Variants in MAGI1 observed in about 807,000 individuals in gnomAD.
The protein encoded by MAGI1 is membrane-associated guanylate kinase, WW and PDZ domain-containing protein 1.
MAGI1 carries 58 observed loss-of-function variants against 139.9 expected under a neutral mutation model. The observed-to-expected ratio is 0.41, with a 90% CI of 0.34 to 0.52. MAGI1 has a LOEUF of 0.52. MAGI1 is among the 20% of genes least tolerant of loss of function. MAGI1 has a pLI of 0.12. For synonymous variants in MAGI1, 812 were observed against 737.9 expected, an observed-to-expected ratio of 1.10 and a Z score of -1.63; for missense variants, 1,874 against 1,901.6, an observed-to-expected ratio of 0.99 and a Z score of 0.27.
At chr3:65,891,369 T>C (rs890102143) in intron 1 of MAGI1, among the ~76,000 whole-genome samples, 2 of 152,144 alleles carry the variant, frequency 1.3e-5, no homozygotes, top group Non-Finnish European at 2.9e-5. Flanking sequence ...ACAAATCTGG[T>C]AATATGCCAG....
chr3:65,876,940 T>G (rs1413675988), intron 1 of MAGI1, among the ~76,000 whole-genome samples: 1 of 152,130 alleles, frequency 6.6e-6, no homozygotes, highest in East Asian at 1.9e-4. Flanking sequence ...AGACGGGGTT[T>G]CACCATGTTA....
At chr3:65,914,001 G>A (rs2061783681) in intron 1 of MAGI1, 1 of 152,188 alleles carries the variant, frequency 6.6e-6, no homozygotes. Flanking sequence ...GACAAAGGGA[G>A]ACAAAGAAGG....
chr3:65,655,147 C>T lies in MAGI1; in HGVS notation c.314-33059G>A, dbSNP rs540804564. Among the ~76,000 whole-genome samples the T allele has an allele frequency of 4.6e-5, 7 of 152,146 alleles. No homozygotes were observed. The South Asian group carries it at 1.2e-3, about 27-fold the overall frequency. ...CAGTGTAAAGCAGGGTAGAGTGGAG[C>T]GGGGATGTCTCATTCAACTTCCCGG... is the stretch of plus-strand genomic sequence containing the variant. On this transcript the variant is annotated intron_variant, in intron 1 of 22. Coordinates refer to ENST00000402939, the MANE Select transcript of MAGI1 (RefSeq NM_001033057.2).
intron 1 of MAGI1, among the ~76,000 whole-genome samples, chr3:65,976,190 T>C (rs752097316): frequency 6.6e-6 from 1 of 152,170 alleles, no homozygotes; most frequent in Non-Finnish European, 1.5e-5. Context: ...TGACATAAGA[T>C]GATATTGTAA....
chr3:65,753,975 AAC>A (rs755078609), intron 1 of MAGI1, among the ~76,000 whole-genome samples: 4 of 152,204 alleles, frequency 2.6e-5, no homozygotes, highest in Non-Finnish European at 5.9e-5. Context: ...TGTCTGACTG[AAC>A]ACAGTGTGTA....
intron 12 of MAGI1, among the ~76,000 whole-genome samples, chr3:65,409,468 T>G (rs1292338958): frequency 6.6e-6 from 1 of 152,126 alleles, no homozygotes; most frequent in African/African-American, 2.4e-5. Flanking sequence ...ATGATAAGCT[T>G]TTCTTGTTGT....
intron 1 of MAGI1, among the ~76,000 whole-genome samples, chr3:65,750,147 A>G (rs9830681): frequency 0.12 from 18,396 of 152,208 alleles, 1,160 homozygotes; most frequent in Middle Eastern, 0.2. Flanking sequence ...GGCAAACACC[A>G]AAACAAGATG....
intron 1 of MAGI1, among the ~76,000 whole-genome samples, chr3:66,032,864 G>A (rs59069384): frequency 3.5e-5 from 5 of 143,046 alleles, no homozygotes; most frequent in East Asian, 2.2e-4. Flanking sequence ...GCAGTGAGCC[G>A]AGATCGCACC....
At chr3:65,615,995 C>CA (rs1208641139) in intron 2 of MAGI1, among the ~76,000 whole-genome samples, 1 of 152,180 alleles carries the variant, frequency 6.6e-6, no homozygotes, top group African/African-American at 2.4e-5. Flanking sequence ...AAAAACAAAT[C>CA]AAAAGCCTAA....
At chr3:65,452,196 A>G (rs1368128446) in intron 6 of MAGI1, among the ~76,000 whole-genome samples, 2 of 152,202 alleles carry the variant, frequency 1.3e-5, no homozygotes, top group Admixed American at 6.5e-5. Context: ...TTTTGTTTCC[A>G]TTTGAAGTAA....
intron 3 of MAGI1, among the ~76,000 whole-genome samples, chr3:65,488,698 C>T (rs1951788267): frequency 6.6e-6 from 1 of 150,418 alleles, no homozygotes; most frequent in Non-Finnish European, 1.5e-5. Context: ...TACACAGAGT[C>T]TTGCTCCTGT....
intron 1 of MAGI1, among the ~76,000 whole-genome samples, chr3:65,960,213 A>G (rs1331077818): frequency 6.6e-6 from 1 of 152,218 alleles, no homozygotes; most frequent in Non-Finnish European, 1.5e-5. Flanking sequence ...TAAACTTGCC[A>G]GATGAGCTTT....
At chr3:65,477,730 T>C (rs923396389) in intron 4 of MAGI1, among the ~76,000 whole-genome samples, 4 of 149,612 alleles carry the variant, frequency 2.7e-5, no homozygotes, top group East Asian at 3.9e-4. Flanking sequence ...TTTTTATTTA[T>C]ATTTTTTGAG....
chr3:65,753,414 A>T (rs139216504), intron 1 of MAGI1, among the ~76,000 whole-genome samples: 3,889 of 152,260 alleles, frequency 0.026, 82 homozygotes, highest in Middle Eastern at 0.041. Context: ...TATTATCTCC[A>T]TTTTATTGGT....
chr3:65,912,453 C>G (rs562691741), intron 1 of MAGI1, among the ~76,000 whole-genome samples: 1 of 152,128 alleles, frequency 6.6e-6, no homozygotes, highest in East Asian at 1.9e-4. Context: ...TGGTTAAAAG[C>G]AGCTCACATC....
At chr3:65,551,899 C>T (rs1282441897) in intron 2 of MAGI1, among the ~76,000 whole-genome samples, 1 of 152,100 alleles carries the variant, frequency 6.6e-6, no homozygotes, top group African/African-American at 2.4e-5. Context: ...AGAGGTTCAC[C>T]AAAGCAAAGC....
At chr3:65,720,828 C>CA (rs901759680) in intron 1 of MAGI1, among the ~76,000 whole-genome samples, 31 of 152,216 alleles carry the variant, frequency 2.0e-4, no homozygotes, top group African/African-American at 7.2e-4. Flanking sequence ...CAGCTCACTG[C>CA]AACCTCCACC....
At chr3:65,500,515 G>A (rs756566504) in intron 2 of MAGI1, among the ~76,000 whole-genome samples, 4 of 152,174 alleles carry the variant, frequency 2.6e-5, no homozygotes, top group Non-Finnish European at 5.9e-5. Flanking sequence ...CCTTATCACT[G>A]AAATCCACAA....
At chr3:65,376,934 G>T (rs1177646334) in intron 17 of MAGI1, among the ~76,000 whole-genome samples, 2 of 152,202 alleles carry the variant, frequency 1.3e-5, no homozygotes, top group African/African-American at 4.8e-5. Context: ...TTTGAGGCCT[G>T]ACATAGGATT....
Sources: allele counts gnomAD v4.1 joint callset (sites outside exome capture counted in the v4.1 genomes callset), GRCh38; gene constraint gnomAD v4.1.1; transcripts MANE v1.5; gene names NCBI Gene and HGNC (gene_info 2026-07-23, HGNC 2026-07-21).